ZCCHC14: variants seen among roughly 807,000 people sequenced by gnomAD.
ZCCHC14 encodes zinc finger CCHC-type containing 14.
ZCCHC14 carries 16 observed loss-of-function variants against 85.0 expected under a neutral mutation model. The observed-to-expected ratio is 0.19, with a 90% confidence interval of 0.13 to 0.29. ZCCHC14 has a LOEUF of 0.29. Ranked by LOEUF, ZCCHC14 falls within the 10% of genes least tolerant of loss-of-function variation. The pLI is 1.00. For synonymous variants in ZCCHC14, 775 were observed against 630.7 expected, an observed-to-expected ratio of 1.23 and a Z score of -3.43; for missense variants, 1,303 against 1,443.5, an observed-to-expected ratio of 0.90 and a Z score of 1.58.
intron 1 of ZCCHC14, among the ~76,000 whole-genome samples, chr16:87,477,847 T>G (rs1203332003): frequency 9.3e-6 from 1 of 107,390 alleles, no homozygotes; most frequent in Non-Finnish European, 1.8e-5. Context: ...CTCCCGAGTC[T>G]GCTGCCCCTC....
chr16:87,459,250 C>A (rs936038339), intron 2 of ZCCHC14, among the ~76,000 whole-genome samples: 1 of 152,176 alleles, frequency 6.6e-6, no homozygotes, highest in Non-Finnish European at 1.5e-5. Context: ...GAAAACACTC[C>A]GTCACCACAG....
intron 4 of ZCCHC14, among the ~76,000 whole-genome samples, chr16:87,421,771 G>A (rs949924215): frequency 2.0e-5 from 3 of 152,158 alleles, no homozygotes; most frequent in Admixed American, 1.3e-4. Context: ...CAGCAAGAGA[G>A]CCCAGTGCCA....
At chr16:87,484,891 T>C (rs1209584126) in intron 1 of ZCCHC14, among the ~76,000 whole-genome samples, 3 of 151,448 alleles carry the variant, frequency 2.0e-5, no homozygotes, top group Non-Finnish European at 4.4e-5. Flanking sequence ...AGGAGGGAGA[T>C]AGAAATCACA....
At chr16:87,467,663 T>C (rs1911589144) in intron 1 of ZCCHC14, 1 of 902,356 alleles carries the variant, frequency 1.1e-6, no homozygotes, top group Non-Finnish European at 1.9e-6. Context: ...CGGTTTCTTT[T>C]TCTTTTGAGA....
chr16:87,430,559 T>C (rs1909603715), intron 3 of ZCCHC14, among the ~76,000 whole-genome samples: 1 of 151,844 alleles, frequency 6.6e-6, no homozygotes, highest in Admixed American at 6.6e-5. Flanking sequence ...TCTCGCTCTG[T>C]TGCCCAGGCT....
chr16:87,467,045 GTTT>G (rs11313580), intron 1 of ZCCHC14: 5,008 of 275,706 alleles, frequency 0.018, no homozygotes, highest in South Asian at 0.025. Context: ...AAAAAAAATT[GTTT>G]TTTTTTTTTT....
intron 8 of ZCCHC14, among the ~76,000 whole-genome samples, chr16:87,415,692 G>A (rs181379037): frequency 6.6e-6 from 1 of 152,170 alleles, no homozygotes; most frequent in Non-Finnish European, 1.5e-5. Context: ...TCTGCTCTGT[G>A]AGTAAATACC....
chr16:87,420,136 C>A lies in ZCCHC14; in HGVS notation c.951-259G>T, dbSNP rs1344069614. Among the ~76,000 whole-genome samples, 4 of 152,172 alleles carry A rather than the reference C, an allele frequency of 2.6e-5. No homozygotes were observed. Among genetic ancestry groups the A allele is most frequent in the African/African-American group, 9.7e-5 (4 of 41,446 alleles). ...GCAGTCATGCCCTGTGACATGAGAT[C>A]AGTGCCACCCACCAGCCAGAAAGGT... On this transcript the variant is annotated intron_variant, in intron 5 of 12. Coordinates refer to ENST00000671377, the MANE Select transcript of ZCCHC14 (RefSeq NM_015144.3). The surrounding 1 kb of genome is among the most constrained non-coding windows in gnomAD (Gnocchi z 5.0).
chr16:87,427,658 G>T (rs1909442716), intron 3 of ZCCHC14, among the ~76,000 whole-genome samples: 1 of 151,922 alleles, frequency 6.6e-6, no homozygotes, highest in Non-Finnish European at 1.5e-5. Flanking sequence ...TCTTTTTTGA[G>T]ACAAGGTCTC....
chr16:87,478,803 T>C (rs1414171389), intron 1 of ZCCHC14, among the ~76,000 whole-genome samples: 4 of 151,870 alleles, frequency 2.6e-5, no homozygotes, highest in Admixed American at 6.6e-5. Flanking sequence ...GATGGGGTTT[T>C]ACCATATTGG....
chr16:87,408,907 T>G lies in ZCCHC14; in HGVS notation c.*1373A>C, dbSNP rs1323295593. ...TGCAAGATTTTACCAATCAGTATTT[T>G]AACATTGAAGACTTTAGCATTTTCG... is the stretch of plus-strand genomic sequence containing the variant. On this transcript the variant is annotated 3_prime_UTR_variant, in exon 13 of 13. Coordinates refer to ENST00000671377, the MANE Select transcript of ZCCHC14 (RefSeq NM_015144.3). The G allele has an allele frequency of 6.6e-6, 1 of 152,670 alleles. No homozygotes were observed. The highest frequency in any genetic ancestry group is 6.5e-5 in the Admixed American group (1 of 15,284). 9.5% of individuals were successfully genotyped at this position (152,670 alleles called of 1,614,324 possible). A position where few individuals can be genotyped will look rare whatever the true frequency, so the allele number is the denominator to read the frequency against.
intron 11 of ZCCHC14, 30 bp from the exon 12 acceptor site, chr16:87,413,006 C>T (rs770052658): frequency 1.2e-6 from 2 of 1,614,038 alleles, no homozygotes; most frequent in South Asian, 1.1e-5. Context: ...TGGTCAGTGC[C>T]ATTCCACAGC....
intron 2 of ZCCHC14, among the ~76,000 whole-genome samples, chr16:87,449,151 C>T (rs934029436): frequency 6.6e-6 from 1 of 152,224 alleles, no homozygotes; most frequent in Admixed American, 6.5e-5. Flanking sequence ...GGAAGGCGCT[C>T]ATCTTGGGTG....
chr16:87,434,984 T>G, intron 2 of ZCCHC14, among the ~76,000 whole-genome samples: 1 of 70,270 alleles, frequency 1.4e-5, no homozygotes, highest in East Asian at 2.8e-4. Context: ...AAGTGAGACT[T>G]CGCCTCAAAA....
intron 2 of ZCCHC14, among the ~76,000 whole-genome samples, chr16:87,441,675 G>A (rs376160592): frequency 2.0e-5 from 3 of 152,172 alleles, no homozygotes; most frequent in African/African-American, 4.8e-5. Context: ...AGGTACAATC[G>A]ACAACTCTGA....
intron 1 of ZCCHC14, among the ~76,000 whole-genome samples, chr16:87,479,326 G>C (rs548312162): frequency 5.3e-5 from 8 of 151,594 alleles, no homozygotes; most frequent in Non-Finnish European, 1.0e-4. Context: ...TGAGGCAGGA[G>C]AGTCGCTTGA....
intron 1 of ZCCHC14, among the ~76,000 whole-genome samples, chr16:87,475,552 TAAAAAAAAAAA>T (rs35771945): frequency 3.3e-5 from 3 of 91,472 alleles, no homozygotes; most frequent in African/African-American, 4.5e-5. Context: ...GACTCTGTCT[TAAAAAAAAAAA>T]AAAAAAAAAA....
Position 87,412,506 on chromosome 16 carries a change from G to A in ZCCHC14, c.2215C>T (p.Leu739=). 1 of 1,614,070 alleles carries A rather than the reference G, an allele frequency of 6.2e-7. No individual in the cohort carries two copies. The highest frequency in any genetic ancestry group is 2.2e-5 in the East Asian group (1 of 44,868). The stretch of plus-strand genomic sequence containing the variant: ...TGTGCTGTCTTCAGCACCCTGTCCA[G>A]CGTGGATGCATGCACGACTTTGGTC... ...PRTKVVHAST[L]DRVLKTAQQP... is the part of the protein sequence containing the mutation. Residue 739 remains leucine, a synonymous_variant, in exon 12 of 13, where the codon CTG becomes TTG. Transcript: ENST00000671377.
rs375578670 is a variant in ZCCHC14, at chr16:87,412,185, G to A, written c.2536C>T (p.Pro846Ser). Residue 846 changes from proline (P) to serine (S), a missense_variant, in exon 12 of 13, where the codon CCC (proline) becomes TCC (serine). By Grantham distance (74) the Pro-to-Ser change is moderately conservative (BLOSUM62 -1). Around this residue, in one of 7 missense-constraint regions of ZCCHC14, gnomAD observed 797 missense variants for 730.8 expected, o/e 1.09. Transcript: ENST00000671377. ...GFCANSNTAS[P>S]SSHPSTSFAN... ...AAGGACGTGGAGGGGTGGCTGCTGG[G>A]AGAGGCAGTGTTGCTGTTTGCACAG... The A allele has an allele frequency of 7.4e-6, 12 of 1,614,056 alleles. No individual in the cohort carries two copies. The highest frequency in any genetic ancestry group is 1.0e-5 in the Non-Finnish European group (12 of 1,180,042).
Sources: gnomAD v4.1 joint callset for allele counts (sites outside exome capture counted in the v4.1 genomes callset) on GRCh38, gnomAD v4.1.1 for gene constraint, gnomAD v4.1.1 regional missense constraint, Gnocchi (gnomAD v3.1) non-coding constraint, MANE v1.5 for transcripts, NCBI Gene and HGNC (gene_info 2026-07-23, HGNC 2026-07-21) for gene names.